The following CEP72 variants were observed in gnomAD, a reference collection of about 807,000 sequenced individuals.
The protein encoded by CEP72 is centrosomal protein of 72 kDa.
Under a neutral mutation model 65.7 loss-of-function variants are expected in CEP72, and 78 were observed. The ratio of observed to expected loss-of-function variants is 1.19; its 90% CI spans 0.99 to 1.43. CEP72 has a LOEUF of 1.43. Ranked by LOEUF, CEP72 falls within the 40% of genes most tolerant of loss-of-function variation. The pLI, the probability that CEP72 is intolerant of heterozygous loss-of-function variation, is 0.00. For missense variants in CEP72, 914 were observed against 832.9 expected, an observed-to-expected ratio of 1.10 and a Z score of -1.20; for synonymous variants, 358 against 351.7, an observed-to-expected ratio of 1.02 and a Z score of -0.20.
At chr5:617,905 A>G (rs1444010045) in intron 1 of CEP72, among the ~76,000 whole-genome samples, 4 of 152,178 alleles carry the variant, frequency 2.6e-5, no homozygotes, top group Non-Finnish European at 4.4e-5. Context: ...CTAAAACATA[A>G]ATGTTCCCAG....
the CEP72 span, among the ~76,000 whole-genome samples, chr5:675,321 G>T: frequency 9.2e-6 from 1 of 108,990 alleles, no homozygotes; most frequent in Admixed American, 9.0e-5. Context: ...GTACAGTGTG[G>T]CCGGGGGTGC....
chr5:658,505 C>G (rs1739444941), downstream of CEP72, among the ~76,000 whole-genome samples: 2 of 152,192 alleles, frequency 1.3e-5, no homozygotes, highest in South Asian at 4.1e-4. Flanking sequence ...AAAGAAACAC[C>G]CTTTGCCTCC....
rs11325513 is a variant in CEP72, at chr5:626,049, A to AG, written c.512+1478dup. ...TCAACATGTCTTTTGGGTGGGGGGC[A>AG]GGGGGGGGCGGCACAGTGCGCCACT... On this transcript the variant is annotated intron_variant, in intron 4 of 11. Coordinates refer to ENST00000264935, the MANE Select transcript of CEP72 (RefSeq NM_018140.4). 4.7e-5 allele frequency among the ~76,000 whole-genome samples: 7 copies of AG among 147,802 alleles called. No homozygotes were observed. The East Asian group carries it at 6.6e-4, about 14-fold the overall frequency.
intron 8 of CEP72, among the ~76,000 whole-genome samples, 177 bp from the exon 9 acceptor site, chr5:640,231 G>A (rs374460176): frequency 2.0e-5 from 3 of 152,130 alleles, no homozygotes; most frequent in East Asian, 3.9e-4. Flanking sequence ...CACCCTGCCC[G>A]TGTGTGGACG....
At chr5:633,544 G>A (rs1331204190) in intron 4 of CEP72, among the ~76,000 whole-genome samples, 1 of 152,212 alleles carries the variant, frequency 6.6e-6, no homozygotes, top group Non-Finnish European at 1.5e-5. Context: ...GTCCAGTGCC[G>A]GGATGCTGTC....
intron 4 of CEP72, among the ~76,000 whole-genome samples, chr5:625,978 G>T (rs530804970): frequency 6.6e-6 from 1 of 151,644 alleles, no homozygotes; most frequent in Non-Finnish European, 1.5e-5. Context: ...TCTGTAAGTC[G>T]CTGTTTCCAA....
chr5:618,767 G>A (rs1387557943), intron 1 of CEP72, among the ~76,000 whole-genome samples: 1 of 152,122 alleles, frequency 6.6e-6, no homozygotes, highest in African/African-American at 2.4e-5. Flanking sequence ...TGGGGATGAG[G>A]AACCTGAGCA....
chr5:663,241 A>G (rs902136887), intron 1 of CEP72: 10 of 152,078 alleles, frequency 6.6e-5, no homozygotes, highest in African/African-American at 2.4e-4. Context: ...GCACATTCAG[A>G]GTTGTTTTCA....
At chr5:625,802 G>A (rs1736717446) in intron 4 of CEP72, among the ~76,000 whole-genome samples, 1 of 152,054 alleles carries the variant, frequency 6.6e-6, no homozygotes, top group Non-Finnish European at 1.5e-5. Context: ...TGTCTCGGAG[G>A]GCCTCCCTCC....
chr5:672,454 G>A, the CEP72 span, among the ~76,000 whole-genome samples: 2 of 152,258 alleles, frequency 1.3e-5, no homozygotes, highest in African/African-American at 2.4e-5. Flanking sequence ...CCTGGGGGAG[G>A]CCAGGGCTCC....
chr5:667,615 A>G (rs1418598370), downstream of CEP72, among the ~76,000 whole-genome samples: 3 of 152,326 alleles, frequency 2.0e-5, no homozygotes, highest in Non-Finnish European at 4.4e-5. Context: ...CGTTAAGGGA[A>G]TGAGAAGACA....
chr5:647,428 C>G (rs552817160), intron 10 of CEP72, among the ~76,000 whole-genome samples: 3 of 152,238 alleles, frequency 2.0e-5, no homozygotes, highest in Non-Finnish European at 4.4e-5. Context: ...GTGCTTTTCC[C>G]GAAACCCACA....
chr5:633,651 C>T (rs2242441), intron 4 of CEP72, 118 bp from the exon 5 acceptor site: 4 of 959,296 alleles, frequency 4.2e-6, no homozygotes, highest in East Asian at 2.4e-5. Context: ...GGCTGCCCCA[C>T]GTTTGCAGCA....
At chr5:616,838 G>A (rs76113438) in intron 1 of CEP72, among the ~76,000 whole-genome samples, 3,814 of 151,388 alleles carry the variant, frequency 0.025, 61 homozygotes, top group African/African-American at 0.038. Context: ...GTGTGCGCGC[G>A]AGTGGGGGTT....
intron 11 of CEP72, among the ~76,000 whole-genome samples, chr5:649,398 C>A (rs866322153): frequency 2.7e-3 from 85 of 31,800 alleles, no homozygotes; most frequent in Admixed American, 5.7e-3. Flanking sequence ...GTGAGGTGTG[C>A]CTGTGAGGCG....
At chr5:640,668 A>G (rs1737953923) in intron 9 of CEP72, 64 bp downstream of exon 9, 18 of 1,516,014 alleles carry the variant, frequency 1.2e-5, no homozygotes, top group Non-Finnish European at 1.6e-5. Flanking sequence ...TCTGACTTCC[A>G]GGAACGAGGG....
intron 11 of CEP72, among the ~76,000 whole-genome samples, chr5:648,503 T>G (rs1738589188): frequency 7.1e-6 from 1 of 139,910 alleles, no homozygotes; most frequent in African/African-American, 2.8e-5. Context: ...GGTGTGACTG[T>G]GAGGTGTGGA....
In CEP72 at chr5:624,977, G is replaced by A. The variant is rs1327887040; in HGVS notation, c.512+398G>A. 3.9e-5 allele frequency among the ~76,000 whole-genome samples: 6 copies of A among 152,150 alleles called. No individual in the cohort carries two copies. The highest frequency in any genetic ancestry group is 7.4e-5 in the Non-Finnish European group (5 of 68,020). On this transcript the variant is annotated intron_variant, in intron 4 of 11. Coordinates refer to ENST00000264935, the MANE Select transcript of CEP72 (RefSeq NM_018140.4). The surrounding 1 kb of genome is among the most constrained non-coding windows in gnomAD (Gnocchi z 4.7). Reference sequence around the variant, plus strand: ...GCCGTGAGCACATTCAGCAGGACCCGTCTTCCTGGATCGAGGAGGACTTCT... The same window carrying A: ...GCCGTGAGCACATTCAGCAGGACCCATCTTCCTGGATCGAGGAGGACTTCT...
At chr5:654,219 C>T (rs371996118), downstream of CEP72, among the ~76,000 whole-genome samples, 1 of 141,142 alleles carries the variant, frequency 7.1e-6, no homozygotes, top group East Asian at 2.2e-4. Flanking sequence ...TGTGTGTGCG[C>T]TTGCTGTGTG....
Sources: gnomAD v4.1 joint callset for allele counts (sites outside exome capture counted in the v4.1 genomes callset) on GRCh38, gnomAD v4.1.1 for gene constraint, Gnocchi (gnomAD v3.1) non-coding constraint, MANE v1.5 for transcripts, NCBI Gene and HGNC (gene_info 2026-07-23, HGNC 2026-07-21) for gene names.